The following ADAP1 variants were observed in gnomAD, a reference collection of about 807,000 sequenced individuals.
ADAP1 encodes ArfGAP with dual PH domains 1, also known as arf-GAP with dual PH domain-containing protein 1.
Under a neutral mutation model 54.9 loss-of-function variants are expected in ADAP1, and 31 were observed. The ratio of observed to expected loss-of-function variants is 0.56; its 90% confidence interval spans 0.42 to 0.76. The LOEUF (loss-of-function observed/expected upper bound fraction) is 0.76. ADAP1 is among the 30% of genes least tolerant of loss of function. The pLI is 0.00. For missense variants in ADAP1, 535 were observed against 512.4 expected (o/e 1.04, Z -0.42); for synonymous variants, 313 against 202.6 (o/e 1.55, Z -4.63).
intron 8 of ADAP1, 132 bp from the exon 9 acceptor site, chr7:899,622 G>A (rs761364384): frequency 6.1e-5 from 62 of 1,019,124 alleles, no homozygotes; most frequent in Middle Eastern, 2.8e-4. Flanking sequence ...CACGCCTGCC[G>A]CTGGCCACGC....
rs1266042242 is a variant in ADAP1 at position 920,513 on chromosome 7, T to G, written c.306-463A>C. Among the ~76,000 whole-genome samples, 1 of 150,962 alleles carries G rather than the reference T, an allele frequency of 6.6e-6. No individual in the cohort carries two copies. The highest frequency in any genetic ancestry group is 2.4e-5 in the African/African-American group (1 of 41,000). ...CCCTCCACCCACCGTGCTGCCACCT[T>G]GCACCCCCCGTGCCGCCCTCCACCC... On this transcript the variant is annotated intron_variant, in intron 3 of 10. Transcript: ENST00000265846. The surrounding 1 kb of genome is among the most constrained non-coding windows in gnomAD (Gnocchi z 4.5).
intron 4 of ADAP1, among the ~76,000 whole-genome samples, chr7:910,748 C>T (rs1049270940): frequency 6.6e-6 from 1 of 152,226 alleles, no homozygotes; most frequent in Non-Finnish European, 1.5e-5. Flanking sequence ...ATCCCCATAT[C>T]TCATGGGGCC....
intron 6 of ADAP1, among the ~76,000 whole-genome samples, chr7:903,090 G>C (rs770409691): frequency 6.6e-5 from 10 of 152,166 alleles, no homozygotes; most frequent in Non-Finnish European, 8.8e-5. Flanking sequence ...CAGGCCGTGG[G>C]AGTCGCAGGC....
At position 900,504 on chromosome 7, in the gene ADAP1, C is replaced by T. The variant is rs1175182183; in HGVS notation, c.732+29G>A. The T allele has an allele frequency of 6.4e-6, 10 of 1,558,060 alleles. No individual in the cohort carries two copies. In the East Asian group the frequency reaches 1.6e-4, roughly 25 times the overall value. On this transcript the variant is annotated intron_variant, in intron 7 of 10. Transcript: ENST00000265846. ...CCCCACCCCACCACCCCTGTCTGCC[C>T]TGGAGCTGACCGCAGGGCCGCCACT... is the stretch of plus-strand genomic sequence containing the variant.
rs916579911 is a variant in ADAP1 at position 945,828 on chromosome 7, G to A, written c.82+8568C>T. ...TCCGGAGCTGGTCTGGGGCACCTGG[G>A]CAGGTGAGCCACATTCTTGGGCGGA... On this transcript the variant is annotated intron_variant, in intron 1 of 10. Coordinates refer to ENST00000265846, the MANE Select transcript of ADAP1 (RefSeq NM_006869.4). The surrounding 1 kb of genome is among the most constrained non-coding windows in gnomAD (Gnocchi z 4.2). The A allele has an allele frequency of 7.1e-6, 7 of 985,490 alleles. No homozygotes were observed. The highest frequency in any genetic ancestry group is 8.4e-6 in the Non-Finnish European group (7 of 830,038). 61.0% of individuals were successfully genotyped at this position (985,490 alleles called of 1,614,324 possible).
intron 2 of ADAP1, chr7:927,370 C>A: frequency 1.5e-6 from 1 of 679,318 alleles, no homozygotes; most frequent in South Asian, 1.6e-5. Context: ...GTATGGTGAG[C>A]CTTGAGCAGC....
intron 3 of ADAP1, among the ~76,000 whole-genome samples, chr7:922,747 C>T (rs983002064): frequency 6.6e-6 from 1 of 152,122 alleles, no homozygotes; most frequent in African/African-American, 2.4e-5. Flanking sequence ...CAGTGGCTCA[C>T]CCAGATGGGT....
chr7:925,731 G>A (rs929512212), intron 3 of ADAP1, among the ~76,000 whole-genome samples: 4 of 152,250 alleles, frequency 2.6e-5, no homozygotes, highest in African/African-American at 9.6e-5. Context: ...CCAGGCGCCC[G>A]CCGCTTTCCT....
chr7:921,055 G>A (rs1350271351), intron 3 of ADAP1, among the ~76,000 whole-genome samples: 1 of 152,052 alleles, frequency 6.6e-6, no homozygotes, highest in Admixed American at 6.5e-5. Flanking sequence ...CTGCTACAAC[G>A]ATCACCCCAA....
rs557225684 is a variant in ADAP1, at chr7:900,765, C to T, written c.649-149G>A. On this transcript the variant is annotated intron_variant, in intron 6 of 10. Coordinates refer to ENST00000265846, the MANE Select transcript of ADAP1 (RefSeq NM_006869.4). ...GCACCTCAGCTCCCAGCAGTCCTGC[C>T]GCAGGCCTGGCCCCTGTGCCCACGC... 58 of 714,120 alleles carry T rather than the reference C, an allele frequency of 8.1e-5. No individual in the cohort carries two copies. The African/African-American group carries it at 8.8e-4, about 11-fold the overall frequency. The allele number at this position is 714,120 out of a possible 1,614,324, so 44.2% of individuals were successfully genotyped here. A position where few individuals can be genotyped will look rare whatever the true frequency, so the allele number is the denominator to read the frequency against.
In ADAP1 at chr7:946,345, C is replaced by G. The variant is rs902148087; in HGVS notation, c.82+8051G>C. ...ACCTCCTCTCTGCCCAGGCCCCAGG[C>G]CCCCACCCCCTCACGCTCACGGGCG... On this transcript the variant is annotated intron_variant, in intron 1 of 10. Transcript: ENST00000265846. This position sits in a 1 kb window ranked among gnomAD's most constrained non-coding sequence, Gnocchi z 4.3. 6.6e-5 allele frequency among the ~76,000 whole-genome samples: 10 copies of G among 152,170 alleles called. No homozygotes were observed. Among genetic ancestry groups the G allele is most frequent in the African/African-American group, 2.4e-4 (10 of 41,430 alleles).
At chr7:901,595 G>C (rs1236410444) in intron 6 of ADAP1, among the ~76,000 whole-genome samples, 1 of 152,118 alleles carries the variant, frequency 6.6e-6, no homozygotes, top group Non-Finnish European at 1.5e-5. Flanking sequence ...CATAGCAGTG[G>C]GATTGCCCTG....
intron 1 of ADAP1, among the ~76,000 whole-genome samples, chr7:943,886 AAG>A (rs150798217): frequency 0.017 from 2,510 of 150,376 alleles, 93 homozygotes; most frequent in African/African-American, 0.058. Context: ...GAAGAGGAGA[AAG>A]AGAGAAATTG....
At chr7:952,894 C>G (rs543266589) in intron 1 of ADAP1, among the ~76,000 whole-genome samples, 9 of 152,112 alleles carry the variant, frequency 5.9e-5, no homozygotes, top group African/African-American at 1.2e-4. Flanking sequence ...CACCTGCACC[C>G]ACTGGGAGGG....
chr7:914,892 G>T (rs1218399016), intron 4 of ADAP1, among the ~76,000 whole-genome samples: 1 of 152,012 alleles, frequency 6.6e-6, no homozygotes, highest in Non-Finnish European at 1.5e-5. Context: ...GCAGGGTAGA[G>T]GGGAGGCTTC....
At chr7:913,556 G>T (rs1038166288) in intron 4 of ADAP1, among the ~76,000 whole-genome samples, 1 of 152,116 alleles carries the variant, frequency 6.6e-6, no homozygotes. Flanking sequence ...GGACTTGGGG[G>T]TGTGTACCTT....
At chr7:948,125 G>A (rs960121965) in intron 1 of ADAP1, among the ~76,000 whole-genome samples, 2 of 151,886 alleles carry the variant, frequency 1.3e-5, no homozygotes, top group African/African-American at 4.8e-5. Context: ...TTCCAGCTGG[G>A]CCTTTCCCGC....
At chr7:915,147 C>A (rs547321875) in intron 4 of ADAP1, among the ~76,000 whole-genome samples, 1 of 57,778 alleles carries the variant, frequency 1.7e-5, no homozygotes, top group Admixed American at 1.7e-4. Flanking sequence ...ATGCCCTCTG[C>A]AAGAGGCTGC....
intron 3 of ADAP1, among the ~76,000 whole-genome samples, chr7:925,785 C>A (rs1282572096): frequency 1.3e-5 from 2 of 152,270 alleles, no homozygotes; most frequent in Non-Finnish European, 2.9e-5. Flanking sequence ...CCAGCTCGTG[C>A]TCGGGGTATC....
Sources: allele counts gnomAD v4.1 joint callset (sites outside exome capture counted in the v4.1 genomes callset), GRCh38; gene constraint gnomAD v4.1.1; non-coding constraint Gnocchi (gnomAD v3.1); transcripts MANE v1.5; gene names NCBI Gene and HGNC (gene_info 2026-07-23, HGNC 2026-07-21).